Variants in PRUNE2 observed in about 807,000 individuals in gnomAD.
PRUNE2 encodes the protein prune homolog 2 with BCH domain.
A neutral mutation model predicts 252.0 loss-of-function variants in PRUNE2; 164 were observed. The ratio of observed to expected loss-of-function variants is 0.65; its 90% CI spans 0.57 to 0.74. PRUNE2 has a LOEUF of 0.74. Ranked by LOEUF, PRUNE2 falls within the 30% of genes least tolerant of loss-of-function variation. PRUNE2 has a pLI of 0.00. For missense variants in PRUNE2, 3,495 were observed against 3,711.0 expected (o/e 0.94, Z 1.51); for synonymous variants, 1,292 against 1,350.2 (o/e 0.96, Z 0.94).
At position 76,710,344 on chromosome 9, in the gene PRUNE2, T is replaced by C; in HGVS notation, c.1930A>G (p.Met644Val). 2.5e-6 allele frequency: 4 copies of C among 1,614,016 alleles called. No individual in the cohort carries two copies. Among genetic ancestry groups the C allele is most frequent in the Non-Finnish European group, 3.4e-6 (4 of 1,179,894 alleles). Residue 644 changes from methionine (M) to valine (V), a missense_variant, in exon 8 of 19, where the codon ATG becomes GTG. Transcript: ENST00000376718. ...CGTGCATGGGTCTGAGGTGGCCCCA[T>C]GTGACCTGTGTCAGTTGCTTTTTGG... ...MTQKATDTGH[M>V]GPPQTHARCS...
chr9:76,782,024 C>T (rs1366870663), intron 6 of PRUNE2, among the ~76,000 whole-genome samples: 1 of 152,082 alleles, frequency 6.6e-6, no homozygotes. Flanking sequence ...ACCATCCTGG[C>T]TAACACGGTG....
Position 76,707,548 on chromosome 9 carries a change from A to G in PRUNE2, c.4726T>C (p.Trp1576Arg). The change falls in exon 8 of 19, where the codon TGG becomes CGG. Residue 1576 changes from tryptophan to arginine, a missense_variant. By Grantham distance (101) the Trp-to-Arg change is moderately radical (BLOSUM62 -3). Transcript: ENST00000376718. The stretch of plus-strand genomic sequence containing the variant: ...GATTCTTGGTGATTCTGTTCACTCC[A>G]GTTGCCTTGGTTTTCTTCTTGATAC... Reference protein sequence around the residue: ...SGYQEENQGNWSEQNHQESEL... With the variant: ...SGYQEENQGNRSEQNHQESEL... 4.3e-6 allele frequency: 7 copies of G among 1,613,984 alleles called. No individual in the cohort carries two copies. Among genetic ancestry groups the G allele is most frequent in the South Asian group, 1.1e-5 (1 of 91,086 alleles).
In PRUNE2 at chr9:76,706,096, C is replaced by A. The variant is rs749324092; in HGVS notation, c.6178G>T (p.Gly2060Cys). 1 of 1,614,024 alleles carries A rather than the reference C, an allele frequency of 6.2e-7. No homozygotes were observed. Among genetic ancestry groups the A allele is most frequent in the East Asian group, 2.2e-5 (1 of 44,876 alleles). Residue 2060 changes from glycine (G) to cysteine (C), a missense_variant, in exon 8 of 19, where the codon GGT (glycine) becomes TGT (cysteine). Coordinates refer to ENST00000376718, the MANE Select transcript of PRUNE2 (RefSeq NM_015225.3). ...GGCGCGGCAGAGGCCAGCTGCCCAC[C>A]CTCTTGAAAGTTGCCATGTAAAATA... ...PDILHGNFQEGGQLASAAPDL... is the reference protein window; with the variant it reads ...PDILHGNFQECGQLASAAPDL...
chr9:76,780,498 T>A (rs1302235219), intron 6 of PRUNE2, among the ~76,000 whole-genome samples: 1 of 151,938 alleles, frequency 6.6e-6, no homozygotes, highest in African/African-American at 2.4e-5. Context: ...CCATCCTGGC[T>A]AACACAGTGA....
At chr9:76,758,713 TC>T (rs780985989) in intron 6 of PRUNE2, 5 of 151,902 alleles carry the variant, frequency 3.3e-5, no homozygotes, top group Admixed American at 6.6e-5. Flanking sequence ...AACTTTACAA[TC>T]CATACAAGCA....
chr9:76,776,935 C>G (rs1037696258), intron 6 of PRUNE2, among the ~76,000 whole-genome samples: 32 of 122,392 alleles, frequency 2.6e-4, no homozygotes, highest in South Asian at 1.1e-3. Flanking sequence ...CACACACACA[C>G]ACACACACAC....
chr9:76,758,068 A>G (rs975455686), intron 6 of PRUNE2, among the ~76,000 whole-genome samples: 2 of 152,226 alleles, frequency 1.3e-5, no homozygotes, highest in Non-Finnish European at 2.9e-5. Context: ...GCTATCTTCA[A>G]TCAGGAGACT....
chr9:76,721,165 C>G (rs1049284768), intron 6 of PRUNE2, among the ~76,000 whole-genome samples: 4 of 152,154 alleles, frequency 2.6e-5, no homozygotes, highest in African/African-American at 9.7e-5. Flanking sequence ...ATTTTCTATC[C>G]TTAATTCCAA....
chr9:76,872,265 G>C (rs536657026), intron 1 of PRUNE2, among the ~76,000 whole-genome samples: 8 of 152,132 alleles, frequency 5.3e-5, no homozygotes, highest in Non-Finnish European at 1.2e-4. Context: ...CCCCTCAATG[G>C]GCTTCTAGAA....
Position 76,865,042 on chromosome 9 carries a change from T to C in PRUNE2, c.37-10834A>G, listed in dbSNP as rs1407062120. 6.6e-5 allele frequency among the ~76,000 whole-genome samples: 10 copies of C among 152,192 alleles called. No individual in the cohort carries two copies. In the East Asian group the frequency reaches 1.9e-3, roughly 29 times the overall value. Reference sequence around the variant, plus strand: ...GTTTCAGAGAATTGCTGTTATGTTATTTAGATTTGCTGAAGTTCAGTGTTA... The same window carrying C: ...GTTTCAGAGAATTGCTGTTATGTTACTTAGATTTGCTGAAGTTCAGTGTTA... On this transcript the variant is annotated intron_variant, in intron 1 of 18. Coordinates refer to ENST00000376718, the MANE Select transcript of PRUNE2 (RefSeq NM_015225.3).
chr9:76,804,311 T>C (rs534190912), intron 6 of PRUNE2, among the ~76,000 whole-genome samples: 38 of 152,340 alleles, frequency 2.5e-4, no homozygotes, highest in African/African-American at 8.7e-4. Flanking sequence ...GTTGACCGAT[T>C]GATGCCCCCG....
In PRUNE2 at chr9:76,704,903, C is replaced by A; in HGVS notation, c.7371G>T (p.Val2457=). The change falls in exon 8 of 19, where the codon GTG becomes GTT. Residue 2457 remains valine, a synonymous_variant. Coordinates refer to ENST00000376718, the MANE Select transcript of PRUNE2 (RefSeq NM_015225.3). ...ACTCAGGGTCTTCACGAATATGCAG[C>A]ACAGCCAGCTGGGATCCAGGCAGTC... ...KNRLPGSQLA[V]LHIREDPESV... is the part of the protein sequence containing the mutation. 1.2e-6 allele frequency: 2 copies of A among 1,610,716 alleles called. No homozygotes were observed. Among genetic ancestry groups the A allele is most frequent in the East Asian group, 4.5e-5 (2 of 44,788 alleles).
chr9:76,763,419 CT>C (rs1378879599), intron 6 of PRUNE2, among the ~76,000 whole-genome samples: 1 of 152,182 alleles, frequency 6.6e-6, no homozygotes, highest in Non-Finnish European at 1.5e-5. Context: ...CATAGGCGTG[CT>C]TCTGGGAGTG....
intron 6 of PRUNE2, among the ~76,000 whole-genome samples, chr9:76,742,720 T>C (rs988726062): frequency 6.6e-6 from 1 of 151,348 alleles, no homozygotes; most frequent in Non-Finnish European, 1.5e-5. Context: ...TAAAAGCAAA[T>C]AGTCAATGAA....
chr9:76,842,879 G>T (rs1429111991), intron 4 of PRUNE2, among the ~76,000 whole-genome samples: 1 of 152,208 alleles, frequency 6.6e-6, no homozygotes, highest in Non-Finnish European at 1.5e-5. Context: ...CTGTTGGTGG[G>T]AGTGTAAATT....
chr9:76,613,582 C>T lies in PRUNE2; in HGVS notation c.*988G>A, dbSNP rs1828116944. On this transcript the variant is annotated 3_prime_UTR_variant, in exon 19 of 19. Coordinates refer to ENST00000376718, the MANE Select transcript of PRUNE2 (RefSeq NM_015225.3). ...CCCCACCTCACTAGAGGCCTACAGACTTGAAATCTTGTTGGCATTTTAAAG... is the reference window on the plus strand; with the variant it reads ...CCCCACCTCACTAGAGGCCTACAGATTTGAAATCTTGTTGGCATTTTAAAG... 1 of 152,302 alleles carries T rather than the reference C, an allele frequency of 6.6e-6. No individual in the cohort carries two copies. Among genetic ancestry groups the T allele is most frequent in the Non-Finnish European group, 1.5e-5 (1 of 68,008 alleles). 9.4% of individuals were successfully genotyped at this position (152,302 alleles called of 1,614,324 possible).
chr9:76,877,810 A>G (rs908631588), intron 1 of PRUNE2, among the ~76,000 whole-genome samples: 1 of 152,330 alleles, frequency 6.6e-6, no homozygotes, highest in African/African-American at 2.4e-5. Context: ...ACCTTTTATA[A>G]TATCACTTCC....
intron 1 of PRUNE2, among the ~76,000 whole-genome samples, chr9:76,884,668 A>T (rs891114169): frequency 1.3e-5 from 2 of 152,222 alleles, no homozygotes; most frequent in African/African-American, 4.8e-5. Context: ...CATGTCTTAA[A>T]AGTTTTTATT....
chr9:76,893,827 T>C (rs747097701), intron 1 of PRUNE2, among the ~76,000 whole-genome samples: 1 of 152,214 alleles, frequency 6.6e-6, no homozygotes, highest in Non-Finnish European at 1.5e-5. Flanking sequence ...CTGGGTTTTC[T>C]GGAGACTGGA....
Sources: allele counts gnomAD v4.1 joint callset (sites outside exome capture counted in the v4.1 genomes callset), GRCh38; gene constraint gnomAD v4.1.1; transcripts MANE v1.5; gene names NCBI Gene and HGNC (gene_info 2026-07-23, HGNC 2026-07-21).